Variants in SLC16A12 observed in about 807,000 individuals in gnomAD.
SLC16A12 encodes the protein solute carrier family 16 member 12.
A neutral mutation model predicts 42.4 loss-of-function variants in SLC16A12; 17 were observed. That is an observed-to-expected ratio of 0.40 (90% CI 0.27 to 0.60). SLC16A12 has a LOEUF of 0.60. SLC16A12 is among the 20% of genes least tolerant of loss of function. The probability of loss-of-function intolerance (pLI) is 0.42; values close to 1 mark genes in which losing one functional copy is unlikely to be tolerated. For missense variants in SLC16A12, 544 were observed against 623.0 expected (o/e 0.87, Z 1.35); for synonymous variants, 224 against 229.4 (o/e 0.98, Z 0.21).
At chr10:89,528,572 G>A (rs185869328) in intron 2 of SLC16A12, among the ~76,000 whole-genome samples, 5 of 152,088 alleles carry the variant, frequency 3.3e-5, no homozygotes, top group Admixed American at 2.6e-4. Flanking sequence ...ATTGGGAAAA[G>A]CTTTCCATAT....
chr10:89,520,661 G>A (rs560730964), intron 2 of SLC16A12, among the ~76,000 whole-genome samples: 10 of 148,696 alleles, frequency 6.7e-5, no homozygotes, highest in Non-Finnish European at 1.5e-4. Context: ...GACAATCCCT[G>A]GCAGATAGAA....
At chr10:89,484,998 G>C (rs1589697050) in intron 2 of SLC16A12, among the ~76,000 whole-genome samples, 1 of 152,318 alleles carries the variant, frequency 6.6e-6, no homozygotes, top group East Asian at 1.9e-4. Flanking sequence ...TGTCTTTGGA[G>C]TAGGCAACTG....
chr10:89,529,036 G>C (rs1843499900), intron 2 of SLC16A12, among the ~76,000 whole-genome samples: 1 of 152,184 alleles, frequency 6.6e-6, no homozygotes, highest in Middle Eastern at 3.2e-3. Context: ...GATTAAGGCT[G>C]GTTTTTGATA....
At chr10:89,501,727 G>T (rs921264008) in intron 2 of SLC16A12, among the ~76,000 whole-genome samples, 1 of 152,034 alleles carries the variant, frequency 6.6e-6, no homozygotes, top group East Asian at 1.9e-4. Context: ...CTCCAGCCCG[G>T]GCGACAGAGC....
At chr10:89,436,868 A>G (rs199652438) in intron 6 of SLC16A12, among the ~76,000 whole-genome samples, 67 of 120,490 alleles carry the variant, frequency 5.6e-4, no homozygotes, top group African/African-American at 1.8e-3. Context: ...GAAATAAAGA[A>G]AAAGAAAGAA....
intron 2 of SLC16A12, among the ~76,000 whole-genome samples, chr10:89,525,200 G>A (rs1334272800): frequency 1.7e-5 from 2 of 114,982 alleles, no homozygotes; most frequent in Admixed American, 1.3e-4. Context: ...CAGCCTGGAC[G>A]ACAGAACGAG....
chr10:89,486,652 AAAG>A (rs1564585938), intron 2 of SLC16A12, among the ~76,000 whole-genome samples: 8 of 115,458 alleles, frequency 6.9e-5, no homozygotes, highest in Middle Eastern at 3.8e-3. Context: ...AGAAAGAAAG[AAAG>A]AAAGAAAGAA....
chr10:89,506,485 G>A (rs1843063421), intron 2 of SLC16A12, among the ~76,000 whole-genome samples: 1 of 152,128 alleles, frequency 6.6e-6, no homozygotes, highest in African/African-American at 2.4e-5. Flanking sequence ...TGAGGGGTCT[G>A]ACTGTTAGAA....
chr10:89,555,751 A>G (rs1843811567), intron 2 of SLC16A12: 1 of 149,288 alleles, frequency 6.7e-6, no homozygotes, highest in African/African-American at 2.5e-5. Flanking sequence ...AAAGAGTAAG[A>G]CTGAGCCTGC....
intron 2 of SLC16A12, among the ~76,000 whole-genome samples, chr10:89,480,083 A>G (rs1288873385): frequency 6.6e-6 from 1 of 152,224 alleles, no homozygotes; most frequent in East Asian, 1.9e-4. Flanking sequence ...TTTAAAAATA[A>G]AAAAGAAACC....
chr10:89,449,671 G>A (rs573332473), intron 3 of SLC16A12, among the ~76,000 whole-genome samples: 1 of 152,206 alleles, frequency 6.6e-6, no homozygotes, highest in African/African-American at 2.4e-5. Flanking sequence ...GAAAACCTAG[G>A]CAATACCATT....
intron 2 of SLC16A12, among the ~76,000 whole-genome samples, chr10:89,514,177 G>A (rs539003021): frequency 2.0e-5 from 3 of 152,340 alleles, no homozygotes; most frequent in Non-Finnish European, 2.9e-5. Context: ...TCTACAGACC[G>A]TAAGAGTAGC....
chr10:89,441,127 G>C lies in SLC16A12; in HGVS notation c.429C>G (p.Leu143=). ...SFATSLKHLY[L]TLGVLTGLGF... ...CCTTACCTGTAAGAACTCCCAGAGT[G>C]AGGTAGAGATGCTTCAGACTCGTGG... is the stretch of plus-strand genomic sequence containing the variant. Residue 143 remains leucine, a synonymous_variant, in exon 5 of 8, where the codon CTC becomes CTG. Transcript: ENST00000371790. 3 of 1,613,972 alleles carry C rather than the reference G, an allele frequency of 1.9e-6. No individual in the cohort carries two copies. Among genetic ancestry groups the C allele is most frequent in the Non-Finnish European group, 1.7e-6 (2 of 1,179,842 alleles).
At chr10:89,452,277 T>C (rs548161787) in intron 3 of SLC16A12, among the ~76,000 whole-genome samples, 72 of 152,260 alleles carry the variant, frequency 4.7e-4, no homozygotes, top group African/African-American at 1.7e-3. Context: ...TTGTGCAGGG[T>C]TTCTACTGTT....
In SLC16A12 at chr10:89,430,479, AG is replaced by A; in HGVS notation, c.*2584del. 2.5e-6 allele frequency: 1 copy of A among 393,094 alleles called. No individual in the cohort carries two copies. The highest frequency in any genetic ancestry group is 2.0e-5 in the South Asian group (1 of 50,470). The allele number at this position is 393,094 out of a possible 1,614,324, so 24.4% of individuals were successfully genotyped here. On this transcript the variant is annotated 3_prime_UTR_variant, in exon 8 of 8. Coordinates refer to ENST00000371790, the MANE Select transcript of SLC16A12 (RefSeq NM_213606.4). ...ATTCCAAAGTAGAGCTTACAGTAGT[AG>A]AAAGAAATATTTAAGATGTAAAATT...
At chr10:89,554,095 A>AGGAAGGAAG (rs1309672552) in intron 2 of SLC16A12, among the ~76,000 whole-genome samples, 1 of 25,558 alleles carries the variant, frequency 3.9e-5, no homozygotes, top group Non-Finnish European at 7.3e-5. Context: ...AAAGAAAGAA[A>AGGAAGGAAG]GAAAGAAGGA....
chr10:89,462,655 C>A, intron 2 of SLC16A12, 31 bp from the exon 3 acceptor site: 2 of 1,511,066 alleles, frequency 1.3e-6, no homozygotes, highest in Non-Finnish European at 1.8e-6. Flanking sequence ...ATATTTATAT[C>A]TTATTGCTAT....
chr10:89,540,925 T>TC (rs1564605048), intron 2 of SLC16A12, among the ~76,000 whole-genome samples: 2 of 150,738 alleles, frequency 1.3e-5, no homozygotes, highest in Non-Finnish European at 3.0e-5. Flanking sequence ...TTTTTTTTTT[T>TC]CCCTTTTTTT....
At chr10:89,462,675 T>C in intron 2 of SLC16A12, 51 bp from the exon 3 acceptor site, 1 of 1,474,752 alleles carries the variant, frequency 6.8e-7, no homozygotes, top group Non-Finnish European at 8.9e-7. Context: ...TGTCCAAAGG[T>C]TGATTTTTCT....
Sources: gnomAD v4.1 joint callset for allele counts (sites outside exome capture counted in the v4.1 genomes callset) on GRCh38, gnomAD v4.1.1 for gene constraint, MANE v1.5 for transcripts, NCBI Gene and HGNC (gene_info 2026-07-23, HGNC 2026-07-21) for gene names.